The following OPCML variants were observed in gnomAD, a reference collection of about 807,000 sequenced individuals.
OPCML encodes the protein opioid-binding protein/cell adhesion molecule.
OPCML carries 13 observed loss-of-function variants against 37.8 expected under a neutral mutation model. The ratio of observed to expected loss-of-function variants is 0.34; its 90% CI spans 0.22 to 0.55. The LOEUF (loss-of-function observed/expected upper bound fraction) is 0.55, where lower values mean the gene tolerates loss of function less well. OPCML is among the 20% of genes least tolerant of loss of function. The probability of loss-of-function intolerance (pLI) is 0.91; values close to 1 mark genes in which losing one functional copy is unlikely to be tolerated. For missense variants in OPCML, 341 were observed against 435.6 expected, an observed-to-expected ratio of 0.78 and a Z score of 1.93; for synonymous variants, 176 against 168.8, an observed-to-expected ratio of 1.04 and a Z score of -0.33.
At chr11:133,160,133 C>T (rs1207123381) in intron 1 of OPCML, among the ~76,000 whole-genome samples, 1 of 152,174 alleles carries the variant, frequency 6.6e-6, no homozygotes, top group Non-Finnish European at 1.5e-5. Flanking sequence ...TCAAAGAACT[C>T]TTAGGGAACT....
At chr11:132,729,109 G>A (rs1013505364) in intron 2 of OPCML, among the ~76,000 whole-genome samples, 1 of 152,198 alleles carries the variant, frequency 6.6e-6, no homozygotes, top group African/African-American at 2.4e-5. Flanking sequence ...AAATGCCACC[G>A]ATGGAAGAGA....
intron 1 of OPCML, among the ~76,000 whole-genome samples, chr11:133,186,262 A>T (rs536537838): frequency 2.6e-5 from 4 of 152,346 alleles, no homozygotes; most frequent in Non-Finnish European, 5.9e-5. Context: ...GTTTTTACAC[A>T]TCAGGGATAC....
chr11:132,789,422 T>C (rs574855502), intron 2 of OPCML, among the ~76,000 whole-genome samples: 1 of 152,244 alleles, frequency 6.6e-6, no homozygotes, highest in East Asian at 1.9e-4. Flanking sequence ...GGAAAGGTGA[T>C]AGATGCTTAG....
intron 1 of OPCML, among the ~76,000 whole-genome samples, chr11:133,093,596 C>G (rs1470653886): frequency 6.6e-6 from 1 of 152,150 alleles, no homozygotes; most frequent in East Asian, 1.9e-4. Context: ...GGCCTAAATT[C>G]AAGCCCATAT....
chr11:133,351,272 G>A lies in OPCML; in HGVS notation c.61+180992C>T, dbSNP rs61912386. 8.0e-3 allele frequency among the ~76,000 whole-genome samples: 1,219 copies of A among 152,164 alleles called. 8 individuals are homozygous for A. Among genetic ancestry groups the A allele is most frequent in the Non-Finnish European group, 0.012 (802 of 68,010 alleles). ...ATTCTCCATCTCTCTCCTTTCTCAT[G>A]TCCCATTCCCTTATCAAGTCACTAC... On this transcript the variant is annotated intron_variant, in intron 1 of 7. Coordinates refer to ENST00000524381, the MANE Select transcript of OPCML (RefSeq NM_001012393.5).
At chr11:133,455,639 C>A (rs1946658364) in intron 1 of OPCML, among the ~76,000 whole-genome samples, 1 of 152,172 alleles carries the variant, frequency 6.6e-6, no homozygotes, top group Non-Finnish European at 1.5e-5. Flanking sequence ...AATATCAATG[C>A]CTTCCTTTTG....
chr11:133,300,156 C>T, intron 1 of OPCML: 1 of 152,072 alleles, frequency 6.6e-6, no homozygotes, highest in Non-Finnish European at 1.5e-5. Flanking sequence ...CAGAAATCAT[C>T]AAAGGGGAAA....
chr11:132,759,029 A>G (rs2136091206), intron 2 of OPCML, among the ~76,000 whole-genome samples: 1 of 152,282 alleles, frequency 6.6e-6, no homozygotes, highest in South Asian at 2.1e-4. Flanking sequence ...GAATTTTGTC[A>G]AAGGCCTTTT....
chr11:132,804,272 G>A (rs923523336), intron 2 of OPCML, among the ~76,000 whole-genome samples: 2 of 152,084 alleles, frequency 1.3e-5, no homozygotes, highest in South Asian at 2.1e-4. Flanking sequence ...GCATGAAGTC[G>A]GAGTTAAAGC....
chr11:132,875,691 C>T (rs1041393521), intron 2 of OPCML, among the ~76,000 whole-genome samples: 20 of 152,134 alleles, frequency 1.3e-4, no homozygotes, highest in African/African-American at 3.6e-4. Context: ...CTCGAACTCA[C>T]GACCTCAGGG....
chr11:132,867,121 T>C (rs1206975046), intron 2 of OPCML, among the ~76,000 whole-genome samples: 1 of 152,224 alleles, frequency 6.6e-6, no homozygotes, highest in Non-Finnish European at 1.5e-5. Context: ...AAGTTAGAGA[T>C]GAGGAAAGTG....
At chr11:132,896,392 G>A (rs764768075) in intron 2 of OPCML, among the ~76,000 whole-genome samples, 3 of 152,196 alleles carry the variant, frequency 2.0e-5, no homozygotes. Flanking sequence ...CTGTTATTCA[G>A]TTGGAAAACT....
chr11:132,932,327 A>G (rs1328951588), intron 2 of OPCML, among the ~76,000 whole-genome samples: 1 of 152,184 alleles, frequency 6.6e-6, no homozygotes, highest in East Asian at 1.9e-4. Flanking sequence ...TTTTTACCAC[A>G]ATAAAAACAG....
At chr11:133,326,467 T>G (rs1943458912) in intron 1 of OPCML, among the ~76,000 whole-genome samples, 1 of 115,310 alleles carries the variant, frequency 8.7e-6, no homozygotes, top group Non-Finnish European at 1.7e-5. Flanking sequence ...GTGTGGGGTG[T>G]GTGTGTATGT....
chr11:133,233,558 G>T (rs1421425475), intron 1 of OPCML, among the ~76,000 whole-genome samples: 1 of 152,100 alleles, frequency 6.6e-6, no homozygotes, highest in Non-Finnish European at 1.5e-5. Context: ...ACCCCTTAGT[G>T]CTCATTAGTT....
At chr11:133,513,529 G>C (rs1948201875) in intron 1 of OPCML, among the ~76,000 whole-genome samples, 1 of 152,212 alleles carries the variant, frequency 6.6e-6, no homozygotes, top group Admixed American at 6.5e-5. Context: ...CCTCCTTCAT[G>C]AAACCTGGCA....
chr11:132,681,436 T>C (rs934948604), intron 2 of OPCML, among the ~76,000 whole-genome samples: 3 of 152,084 alleles, frequency 2.0e-5, no homozygotes, highest in Non-Finnish European at 4.4e-5. Context: ...CTTGGCTTCA[T>C]GGGGGACAGC....
At chr11:132,687,369 CATATATATATAT>C (rs56834972) in intron 2 of OPCML, among the ~76,000 whole-genome samples, 583 of 49,256 alleles carry the variant, frequency 0.012, 7 homozygotes, top group Non-Finnish European at 0.021. Context: ...CCTTAAGCTA[CATATATATATAT>C]ATATATATAT....
intron 1 of OPCML, among the ~76,000 whole-genome samples, chr11:133,016,663 A>C (rs1220732266): frequency 6.6e-6 from 1 of 152,184 alleles, no homozygotes; most frequent in African/African-American, 2.4e-5. Context: ...GCATCTTTAG[A>C]AGACCATTTT....
Sources: allele counts gnomAD v4.1 joint callset (sites outside exome capture counted in the v4.1 genomes callset), GRCh38; gene constraint gnomAD v4.1.1; transcripts MANE v1.5; gene names NCBI Gene and HGNC (gene_info 2026-07-23, HGNC 2026-07-21).